Variants in KIAA1217 observed in about 807,000 individuals in gnomAD.
The protein encoded by KIAA1217 is sickle tail protein homolog.
A neutral mutation model predicts 163.9 loss-of-function variants in KIAA1217; 88 were observed. The observed-to-expected ratio is 0.54, with a 90% CI of 0.45 to 0.64. The LOEUF (loss-of-function observed/expected upper bound fraction) is 0.64. KIAA1217 is among the 30% of genes least tolerant of loss of function. The pLI is 0.00. For synonymous variants in KIAA1217, 903 were observed against 923.1 expected, an observed-to-expected ratio of 0.98 and a Z score of 0.39; for missense variants, 2,372 against 2,475.0, an observed-to-expected ratio of 0.96 and a Z score of 0.88.
intron 10 of KIAA1217, among the ~76,000 whole-genome samples, chr10:24,519,826 C>A (rs552859087): frequency 5.5e-4 from 84 of 152,252 alleles, no homozygotes; most frequent in African/African-American, 2.0e-3. Flanking sequence ...CCTCTGTTGG[C>A]ATCAGCACCA....
chr10:24,115,295 T>G (rs775127728), intron 2 of KIAA1217, among the ~76,000 whole-genome samples: 1 of 152,202 alleles, frequency 6.6e-6, no homozygotes, highest in Non-Finnish European at 1.5e-5. Flanking sequence ...GCTACATTCA[T>G]GGAAAGTCAG....
intron 2 of KIAA1217, among the ~76,000 whole-genome samples, chr10:24,072,105 A>T (rs974125093): frequency 6.6e-6 from 1 of 152,088 alleles, no homozygotes; most frequent in African/African-American, 2.4e-5. Context: ...AGCTTATTGC[A>T]GCCTTGTACT....
chr10:24,470,832 A>G (rs1303110117), intron 5 of KIAA1217, among the ~76,000 whole-genome samples: 2 of 152,000 alleles, frequency 1.3e-5, no homozygotes, highest in Non-Finnish European at 2.9e-5. Flanking sequence ...CCACTTGTCT[A>G]TGTAAAACTT....
rs1460005800 is a variant in KIAA1217, at chr10:24,531,712, C to CT, written c.3083-117dup. On this transcript the variant is annotated intron_variant, in intron 14 of 20. Coordinates refer to ENST00000376454, the MANE Select transcript of KIAA1217 (RefSeq NM_019590.5). ...AGGGTCTATACACTTAATCCTTGCT[C>CT]TATGGAGAGAACAGAAAATTTTTAA... The CT allele has an allele frequency of 5.0e-6, 5 of 991,984 alleles. No homozygotes were observed. The East Asian group carries it at 1.4e-4, about 27-fold the overall frequency. 61.4% of individuals were successfully genotyped at this position (991,984 alleles called of 1,614,324 possible).
chr10:24,255,644 C>A lies in KIAA1217; in HGVS notation c.354+35735C>A, dbSNP rs559966281. 3 of 416,926 alleles carry A rather than the reference C, an allele frequency of 7.2e-6. No homozygotes were observed. The Admixed American group carries it at 8.3e-5, about 12-fold the overall frequency. The allele number at this position is 416,926 out of a possible 1,614,324, so 25.8% of individuals were successfully genotyped here. A position where few individuals can be genotyped will look rare whatever the true frequency, so the allele number is the denominator to read the frequency against. On this transcript the variant is annotated intron_variant, in intron 2 of 20. Coordinates refer to ENST00000376454, the MANE Select transcript of KIAA1217 (RefSeq NM_019590.5). ...GGGTTTCCCTGCCCCCCCTGGGGTC[C>A]CTAAACTGCTGTGTGATATGTTTCT... is the stretch of plus-strand genomic sequence containing the variant.
intron 2 of KIAA1217, among the ~76,000 whole-genome samples, chr10:24,020,391 G>C (rs927027307): frequency 6.6e-6 from 1 of 152,082 alleles, no homozygotes; most frequent in Non-Finnish European, 1.5e-5. Context: ...GATAAGAAAT[G>C]AATGAGTAAA....
intron 2 of KIAA1217, among the ~76,000 whole-genome samples, chr10:24,263,594 T>C (rs939706675): frequency 1.3e-5 from 2 of 152,170 alleles, no homozygotes; most frequent in Non-Finnish European, 2.9e-5. Flanking sequence ...GCCAAAGGTA[T>C]ATTATCTGTC....
At chr10:24,126,334 T>A (rs545138114) in intron 2 of KIAA1217, among the ~76,000 whole-genome samples, 28 of 152,290 alleles carry the variant, frequency 1.8e-4, no homozygotes, top group African/African-American at 6.7e-4. Context: ...ATTGCTATAG[T>A]TTTTATTTCT....
At chr10:23,882,834 C>T (rs1841008893) in intron 1 of KIAA1217, among the ~76,000 whole-genome samples, 1 of 151,776 alleles carries the variant, frequency 6.6e-6, no homozygotes, top group Non-Finnish European at 1.5e-5. Context: ...TATGTGATTC[C>T]TCATGAAAAT....
At chr10:24,468,399 G>T (rs573843887) in intron 5 of KIAA1217, among the ~76,000 whole-genome samples, 2 of 152,264 alleles carry the variant, frequency 1.3e-5, no homozygotes, top group African/African-American at 4.8e-5. Flanking sequence ...CATGATCCTG[G>T]TTCTTTTTAA....
chr10:23,844,073 G>A (rs1838910973), intron 1 of KIAA1217, among the ~76,000 whole-genome samples: 1 of 152,158 alleles, frequency 6.6e-6, no homozygotes, highest in East Asian at 1.9e-4. Flanking sequence ...GGATAAATGA[G>A]GATTTTACTG....
At chr10:24,020,370 GTAGCAAA>G (rs1366545019) in intron 2 of KIAA1217, among the ~76,000 whole-genome samples, 1 of 152,122 alleles carries the variant, frequency 6.6e-6, no homozygotes, top group Non-Finnish European at 1.5e-5. Flanking sequence ...GTCAGTAAAA[GTAGCAAA>G]CTTGATAAGA....
chr10:24,062,360 C>G (rs1292200302), intron 2 of KIAA1217, among the ~76,000 whole-genome samples: 1 of 141,190 alleles, frequency 7.1e-6, no homozygotes, highest in African/African-American at 2.6e-5. Context: ...CATTGTTCAA[C>G]TCCCACCTAT....
At chr10:24,096,736 G>C (rs921564837) in intron 2 of KIAA1217, among the ~76,000 whole-genome samples, 1 of 152,090 alleles carries the variant, frequency 6.6e-6, no homozygotes, top group Non-Finnish European at 1.5e-5. Context: ...TCAGGCCTCA[G>C]CTGAAATGCC....
intron 1 of KIAA1217, among the ~76,000 whole-genome samples, chr10:23,942,070 G>T (rs1170575945): frequency 6.6e-6 from 1 of 152,052 alleles, no homozygotes; most frequent in Non-Finnish European, 1.5e-5. Context: ...TTAATAATAT[G>T]AATAATATGC....
intron 5 of KIAA1217, among the ~76,000 whole-genome samples, chr10:24,444,443 C>T (rs1165629622): frequency 6.6e-6 from 1 of 152,182 alleles, no homozygotes; most frequent in African/African-American, 2.4e-5. Context: ...GTTGCACATT[C>T]GCATTGTGTT....
chr10:23,833,762 T>C (rs1331978201), intron 1 of KIAA1217, among the ~76,000 whole-genome samples: 1 of 152,068 alleles, frequency 6.6e-6, no homozygotes, highest in East Asian at 1.9e-4. Flanking sequence ...ACTCTTCAAA[T>C]GTTGCCTTGG....
chr10:23,739,824 G>A (rs1176135581), intron 1 of KIAA1217, among the ~76,000 whole-genome samples: 1 of 152,180 alleles, frequency 6.6e-6, no homozygotes, highest in East Asian at 1.9e-4. Flanking sequence ...AATTACAGCA[G>A]GTGGGAGCAG....
intron 2 of KIAA1217, among the ~76,000 whole-genome samples, chr10:24,082,875 G>A (rs918617793): frequency 3.9e-5 from 6 of 152,166 alleles, no homozygotes; most frequent in Non-Finnish European, 8.8e-5. Context: ...GTGTAAAAGT[G>A]TTCCTATTTC....
Sources: allele counts gnomAD v4.1 joint callset (sites outside exome capture counted in the v4.1 genomes callset), GRCh38; gene constraint gnomAD v4.1.1; transcripts MANE v1.5; gene names NCBI Gene and HGNC (gene_info 2026-07-23, HGNC 2026-07-21).